The following PPARGC1A variants were observed in gnomAD, a reference collection of about 807,000 sequenced individuals.
The protein encoded by PPARGC1A is PPARG coactivator 1 alpha, also known as peroxisome proliferator-activated receptor gamma coactivator 1-alpha.
PPARGC1A carries 25 observed loss-of-function variants against 88.7 expected under a neutral mutation model. The observed-to-expected ratio is 0.28, with a 90% confidence interval of 0.21 to 0.39. The LOEUF is 0.39. Among genes scored for constraint, PPARGC1A ranks in the 10% least tolerant of loss-of-function variants. PPARGC1A has a pLI of 1.00. For missense variants in PPARGC1A, 880 were observed against 968.7 expected (o/e 0.91, Z 1.22); for synonymous variants, 363 against 355.6 (o/e 1.02, Z -0.24).
rs2109449348 is a variant in PPARGC1A, at chr4:23,812,754, T to TTCTGCC, written c.2006_2011dup (p.Arg669_Gln670dup). The TTCTGCC allele has an allele frequency of 2.5e-6, 4 of 1,613,984 alleles. No homozygotes were observed. Among genetic ancestry groups the TTCTGCC allele is most frequent in the Non-Finnish European group, 3.4e-6 (4 of 1,179,940 alleles). The stretch of plus-strand genomic sequence containing the variant: ...GAGCTCCAGGCCACTTACAATTGCC[T>TTCTGCC]TCTGCCTCTGCCTCTCCCTTTGCTT... On this transcript the variant is annotated inframe_insertion, in exon 10 of 13. Transcript: ENST00000264867.
the PPARGC1A span, among the ~76,000 whole-genome samples, chr4:24,196,215 T>TGAGTCATAAATCTGTGTAAAAATAAA: frequency 6.6e-6 from 1 of 152,226 alleles, no homozygotes; most frequent in Non-Finnish European, 1.5e-5. Context: ...CAATGCTAAC[T>TGAGTCATAAATCTGTGTAAAAATAAA]GAGTCATAAA....
chr4:24,095,387 G>A, the PPARGC1A span, among the ~76,000 whole-genome samples: 4,306 of 152,226 alleles, frequency 0.028, 196 homozygotes, highest in African/African-American at 0.097. Flanking sequence ...AAAGTGCTGA[G>A]ATTGCAGATT....
chr4:23,974,407 G>A, the PPARGC1A span, among the ~76,000 whole-genome samples: 2 of 152,126 alleles, frequency 1.3e-5, no homozygotes, highest in Non-Finnish European at 2.9e-5. Flanking sequence ...AATTCTCACA[G>A]TGACCTTTGA....
the PPARGC1A span, among the ~76,000 whole-genome samples, chr4:24,110,528 A>C: frequency 6.6e-6 from 1 of 152,174 alleles, no homozygotes; most frequent in African/African-American, 2.4e-5. Flanking sequence ...AATAATCAAC[A>C]GGAAAGAAGG....
chr4:24,054,874 G>A, the PPARGC1A span, among the ~76,000 whole-genome samples: 1 of 152,294 alleles, frequency 6.6e-6, no homozygotes, highest in East Asian at 1.9e-4. Context: ...AGTAGTAACT[G>A]TAGAAATAAT....
At chr4:24,225,577 AAAAG>A in the PPARGC1A span, among the ~76,000 whole-genome samples, 5 of 152,084 alleles carry the variant, frequency 3.3e-5, no homozygotes, top group Non-Finnish European at 4.4e-5. Flanking sequence ...ATAAAAAAAA[AAAAG>A]AGTGACTAGA....
At chr4:24,158,970 G>A in the PPARGC1A span, among the ~76,000 whole-genome samples, 6 of 152,068 alleles carry the variant, frequency 3.9e-5, no homozygotes, top group African/African-American at 1.4e-4. Context: ...TGATAACAGC[G>A]CATGATAGTT....
chr4:24,127,635 T>A, the PPARGC1A span, among the ~76,000 whole-genome samples: 1 of 152,018 alleles, frequency 6.6e-6, no homozygotes, highest in East Asian at 1.9e-4. Flanking sequence ...CCCCCTAAGT[T>A]CCATCACAGC....
chr4:24,354,827 T>C, the PPARGC1A span, among the ~76,000 whole-genome samples: 1 of 151,976 alleles, frequency 6.6e-6, no homozygotes, highest in Non-Finnish European at 1.5e-5. Flanking sequence ...GCGGAGCTTG[T>C]AGTGAGCCAA....
chr4:24,194,631 C>CGCACACACAT, the PPARGC1A span, among the ~76,000 whole-genome samples: 2 of 12,848 alleles, frequency 1.6e-4, no homozygotes, highest in African/African-American at 4.0e-4. Context: ...CACGCGCGCG[C>CGCACACACAT]ACACACACAC....
the PPARGC1A span, among the ~76,000 whole-genome samples, chr4:24,343,845 G>A: frequency 1.3e-5 from 2 of 151,822 alleles, no homozygotes; most frequent in Non-Finnish European, 2.9e-5. Context: ...CCCATCACCC[G>A]AGCAGTATAC....
chr4:24,447,244 A>T, the PPARGC1A span, among the ~76,000 whole-genome samples: 1 of 152,324 alleles, frequency 6.6e-6, no homozygotes, highest in South Asian at 2.1e-4. Context: ...TGACACTTCC[A>T]TCATTGCCCT....
chr4:24,014,999 G>C, the PPARGC1A span, among the ~76,000 whole-genome samples: 1 of 152,136 alleles, frequency 6.6e-6, no homozygotes. Context: ...GAGCAATGTT[G>C]CAATTCTCAC....
the PPARGC1A span, among the ~76,000 whole-genome samples, chr4:24,190,394 A>G: frequency 1.1e-4 from 16 of 152,128 alleles, no homozygotes; most frequent in Non-Finnish European, 5.9e-5. Context: ...GGGTGCCTGT[A>G]GTCCCAGCTA....
the PPARGC1A span, among the ~76,000 whole-genome samples, chr4:24,261,264 T>G: frequency 6.6e-6 from 1 of 152,184 alleles, no homozygotes; most frequent in Non-Finnish European, 1.5e-5. Flanking sequence ...CTCCCTCCCC[T>G]TGGACCACAT....
At chr4:24,343,429 A>T in the PPARGC1A span, among the ~76,000 whole-genome samples, 1 of 152,172 alleles carries the variant, frequency 6.6e-6, no homozygotes, top group African/African-American at 2.4e-5. Context: ...GGCCACAAGA[A>T]GACACAGCAT....
chr4:23,833,248 G>A (rs766500478), intron 2 of PPARGC1A, among the ~76,000 whole-genome samples: 1 of 152,156 alleles, frequency 6.6e-6, no homozygotes, highest in Non-Finnish European at 1.5e-5. Context: ...TATGCACGTG[G>A]ACAACCAGTA....
the PPARGC1A span, among the ~76,000 whole-genome samples, chr4:24,350,345 C>T: frequency 1.3e-5 from 2 of 152,124 alleles, no homozygotes; most frequent in East Asian, 3.9e-4. Flanking sequence ...AGTAAAGCTG[C>T]CCTGTGGCTG....
At chr4:24,303,928 A>C in the PPARGC1A span, among the ~76,000 whole-genome samples, 1 of 152,236 alleles carries the variant, frequency 6.6e-6, no homozygotes, top group East Asian at 1.9e-4. Flanking sequence ...AAAAATGTAC[A>C]AGGAAAATTC....
Sources: gnomAD v4.1 joint callset for allele counts (sites outside exome capture counted in the v4.1 genomes callset) on GRCh38, gnomAD v4.1.1 for gene constraint, MANE v1.5 for transcripts, NCBI Gene and HGNC (gene_info 2026-07-23, HGNC 2026-07-21) for gene names.